Variants in PTPRG observed in about 807,000 individuals in gnomAD.
PTPRG encodes receptor-type tyrosine-protein phosphatase gamma.
In PTPRG, 102 loss-of-function variants were observed where a neutral mutation model predicts 165.3. That is an observed-to-expected ratio of 0.62 (90% CI 0.53 to 0.73). PTPRG has a LOEUF of 0.73. Among genes scored for constraint, PTPRG ranks in the 30% least tolerant of loss-of-function variants. The pLI is 0.00. For missense variants in PTPRG, 1,866 were observed against 1,861.4 expected (o/e 1.00, Z -0.05); for synonymous variants, 675 against 669.5 (o/e 1.01, Z -0.13).
chr3:61,953,789 C>A (rs1350060096), intron 2 of PTPRG, among the ~76,000 whole-genome samples: 1 of 152,182 alleles, frequency 6.6e-6, no homozygotes, highest in Non-Finnish European at 1.5e-5. Context: ...AACAAAAACC[C>A]TTCTGTGTAT....
At chr3:61,679,063 G>A (rs572998957) in intron 1 of PTPRG, among the ~76,000 whole-genome samples, 1 of 152,282 alleles carries the variant, frequency 6.6e-6, no homozygotes, top group East Asian at 1.9e-4. Context: ...CTGGTCTCAC[G>A]TGATTGAGAG....
At chr3:61,903,669 C>G (rs185254528) in intron 2 of PTPRG, among the ~76,000 whole-genome samples, 28 of 152,242 alleles carry the variant, frequency 1.8e-4, no homozygotes, top group African/African-American at 6.5e-4. Flanking sequence ...CCACCGTGCC[C>G]GGGCCTGGCT....
At chr3:62,155,509 C>T (rs910617635) in intron 6 of PTPRG, among the ~76,000 whole-genome samples, 1 of 152,158 alleles carries the variant, frequency 6.6e-6, no homozygotes, top group African/African-American at 2.4e-5. Flanking sequence ...TTATTTTAAG[C>T]ATTAAATAAA....
chr3:61,975,295 A>G (rs1488790921), intron 2 of PTPRG, among the ~76,000 whole-genome samples: 4 of 152,182 alleles, frequency 2.6e-5, no homozygotes, highest in African/African-American at 9.7e-5. Flanking sequence ...ATGGAAGTTT[A>G]TGGCCTACAG....
chr3:62,015,561 C>T (rs191433021), intron 4 of PTPRG, among the ~76,000 whole-genome samples: 15 of 152,272 alleles, frequency 9.9e-5, no homozygotes, highest in Non-Finnish European at 1.6e-4. Flanking sequence ...AGTCTGGCCT[C>T]GAACTCCTGG....
intron 16 of PTPRG, among the ~76,000 whole-genome samples, chr3:62,256,194 T>G (rs1044516828): frequency 1.3e-5 from 2 of 152,062 alleles, no homozygotes; most frequent in African/African-American, 4.8e-5. Context: ...CAAAATGAAG[T>G]AATGGAAGGT....
chr3:62,030,372 T>C (rs1178509053), intron 4 of PTPRG, among the ~76,000 whole-genome samples: 1 of 152,188 alleles, frequency 6.6e-6, no homozygotes. Context: ...GAAATATTGC[T>C]TTAAGGAACT....
intron 12 of PTPRG, among the ~76,000 whole-genome samples, chr3:62,204,878 G>A (rs1347556306): frequency 6.6e-6 from 1 of 152,108 alleles, no homozygotes; most frequent in Non-Finnish European, 1.5e-5. Flanking sequence ...CTGCAAGGGA[G>A]CCATAAGCAT....
intron 4 of PTPRG, among the ~76,000 whole-genome samples, chr3:62,052,707 A>C (rs1021417247): frequency 6.6e-6 from 1 of 152,100 alleles, no homozygotes; most frequent in African/African-American, 2.4e-5. Flanking sequence ...AAAAAAAAGA[A>C]AGAAAAGAAA....
In PTPRG at chr3:62,297,465, T is replaced by C. The variant is rs756840888; in HGVS notation, c.*4158T>C. 16 of 151,522 alleles carry C rather than the reference T, an allele frequency of 1.1e-4. No homozygotes were observed. The highest frequency in any genetic ancestry group is 6.2e-4 in the South Asian group (3 of 4,806). The allele number at this position is 151,522 out of a possible 1,614,324, so 9.4% of individuals were successfully genotyped here. A position where few individuals can be genotyped will look rare whatever the true frequency, so the allele number is the denominator to read the frequency against. On this transcript the variant is annotated 3_prime_UTR_variant, in exon 30 of 30. Coordinates refer to ENST00000474889, the MANE Select transcript of PTPRG (RefSeq NM_002841.4). The stretch of plus-strand genomic sequence containing the variant: ...AAAAAGTGTGCTTTTTTTTTTTTTT[T>C]AAATTTGTTCAGGGGGAGGGGTTTT...
At chr3:62,207,362 G>C (rs776402097) in intron 12 of PTPRG, among the ~76,000 whole-genome samples, 1 of 152,226 alleles carries the variant, frequency 6.6e-6, no homozygotes, top group Non-Finnish European at 1.5e-5. Flanking sequence ...AGTAAAGGAC[G>C]TGAGTGACCT....
intron 2 of PTPRG, among the ~76,000 whole-genome samples, chr3:61,826,044 A>G (rs1433880441): frequency 6.6e-6 from 1 of 152,366 alleles, no homozygotes; most frequent in Non-Finnish European, 1.5e-5. Flanking sequence ...TGCATGGTAC[A>G]TAGAAACTGC....
intron 1 of PTPRG, among the ~76,000 whole-genome samples, chr3:61,707,522 C>G (rs1341125402): frequency 6.6e-6 from 1 of 152,090 alleles, no homozygotes; most frequent in Non-Finnish European, 1.5e-5. Context: ...GGCAGTCAGG[C>G]AGGAGGAATT....
chr3:61,657,613 T>C (rs1575569222), intron 1 of PTPRG, among the ~76,000 whole-genome samples: 1 of 152,236 alleles, frequency 6.6e-6, no homozygotes, highest in East Asian at 1.9e-4. Flanking sequence ...TTATTGATGA[T>C]GCCTTTGATT....
chr3:61,799,438 G>A (rs945888086), intron 2 of PTPRG, among the ~76,000 whole-genome samples: 2 of 152,058 alleles, frequency 1.3e-5, no homozygotes, highest in African/African-American at 4.8e-5. Flanking sequence ...ATGCCACATT[G>A]CATCTAGTCA....
intron 4 of PTPRG, among the ~76,000 whole-genome samples, chr3:62,005,690 C>CTTTTT (rs35487954): frequency 3.3e-5 from 2 of 60,336 alleles, no homozygotes; most frequent in Non-Finnish European, 5.5e-5. Context: ...CATTAATATC[C>CTTTTT]TTTTTTTTTT....
At chr3:61,627,134 A>C (rs1158102711) in intron 1 of PTPRG, among the ~76,000 whole-genome samples, 3 of 152,026 alleles carry the variant, frequency 2.0e-5, no homozygotes, top group Admixed American at 2.0e-4. Context: ...AAATTTGAGT[A>C]CTGGATGTTA....
chr3:61,696,956 A>T (rs2030638518), intron 1 of PTPRG, among the ~76,000 whole-genome samples: 1 of 152,192 alleles, frequency 6.6e-6, no homozygotes, highest in Admixed American at 6.5e-5. Flanking sequence ...GGATGATGAC[A>T]GAGTCTCTCT....
At chr3:61,671,869 G>T (rs1489912502) in intron 1 of PTPRG, among the ~76,000 whole-genome samples, 2 of 137,872 alleles carry the variant, frequency 1.5e-5, no homozygotes, top group Non-Finnish European at 3.1e-5. Context: ...CTCACCTCCC[G>T]GACTGGGCGG....
Sources: allele counts gnomAD v4.1 joint callset (sites outside exome capture counted in the v4.1 genomes callset), GRCh38; gene constraint gnomAD v4.1.1; transcripts MANE v1.5; gene names NCBI Gene and HGNC (gene_info 2026-07-23, HGNC 2026-07-21).